Variants in ZZZ3 observed in about 807,000 individuals in gnomAD.
ZZZ3 encodes the protein ZZ-type zinc finger-containing protein 3.
ZZZ3 carries 22 observed loss-of-function variants against 95.2 expected under a neutral mutation model. The ratio of observed to expected loss-of-function variants is 0.23; its 90% CI spans 0.17 to 0.33. ZZZ3 has a LOEUF of 0.33. Ranked by LOEUF, ZZZ3 falls within the 10% of genes least tolerant of loss-of-function variation. The pLI is 1.00. For synonymous variants in ZZZ3, 335 were observed against 358.9 expected (o/e 0.93, Z 0.75); for missense variants, 885 against 1,066.5 (o/e 0.83, Z 2.37).
At chr1:77,639,692 AG>A in intron 3 of ZZZ3, 90 bp from the exon 4 acceptor site, 1 of 362,472 alleles carries the variant, frequency 2.8e-6, no homozygotes, top group Non-Finnish European at 4.9e-6. Flanking sequence ...GAAGAAATAC[AG>A]GTACAGAAAC....
intron 5 of ZZZ3, among the ~76,000 whole-genome samples, chr1:77,616,748 C>A (rs965517744): frequency 1.3e-5 from 2 of 151,964 alleles, no homozygotes; most frequent in African/African-American, 2.4e-5. Flanking sequence ...CACCTGTAGT[C>A]CCAGCCCAGG....
chr1:77,648,315 C>T (rs1252429523), intron 1 of ZZZ3, among the ~76,000 whole-genome samples: 1 of 145,374 alleles, frequency 6.9e-6, no homozygotes. Flanking sequence ...TGCCCCTGTA[C>T]TCCAGCCTGG....
At chr1:77,581,644 A>T in intron 8 of ZZZ3, 132 bp downstream of exon 8, 1 of 693,102 alleles carries the variant, frequency 1.4e-6, no homozygotes, top group Non-Finnish European at 2.3e-6. Flanking sequence ...AGTTTCTCTT[A>T]ATTTCAAAGT....
intron 5 of ZZZ3, among the ~76,000 whole-genome samples, chr1:77,628,182 T>G (rs1251954996): frequency 2.0e-5 from 3 of 152,174 alleles, no homozygotes; most frequent in Non-Finnish European, 4.4e-5. Context: ...ATAATCTCAT[T>G]CAGTGAGGCT....
At chr1:77,612,241 T>C (rs1478197949) in intron 5 of ZZZ3, among the ~76,000 whole-genome samples, 2 of 152,004 alleles carry the variant, frequency 1.3e-5, no homozygotes, top group Non-Finnish European at 2.9e-5. Context: ...CACTATATGA[T>C]ATAACCTCAC....
At chr1:77,661,767 A>C (rs1488391501) in intron 1 of ZZZ3, among the ~76,000 whole-genome samples, 1 of 152,106 alleles carries the variant, frequency 6.6e-6, no homozygotes, top group African/African-American at 2.4e-5. Context: ...CTCTTAAATC[A>C]CAAGACACCC....
chr1:77,635,029 C>T (rs1008541782), intron 4 of ZZZ3, among the ~76,000 whole-genome samples: 1 of 152,164 alleles, frequency 6.6e-6, no homozygotes, highest in African/African-American at 2.4e-5. Context: ...CTCCAAATGC[C>T]ATTCTGACTC....
chr1:77,629,074 T>C (rs1265221866), intron 5 of ZZZ3, among the ~76,000 whole-genome samples: 1 of 152,028 alleles, frequency 6.6e-6, no homozygotes, highest in African/African-American at 2.4e-5. Context: ...ACCAGACAGG[T>C]GTCATGATGC....
At chr1:77,574,255 G>A (rs1661711863) in intron 12 of ZZZ3, among the ~76,000 whole-genome samples, 1 of 151,080 alleles carries the variant, frequency 6.6e-6, no homozygotes, top group African/African-American at 2.4e-5. Context: ...ATTAATAGTA[G>A]TGTTGGTTAT....
intron 5 of ZZZ3, among the ~76,000 whole-genome samples, chr1:77,611,651 T>G (rs1235675580): frequency 1.3e-5 from 2 of 151,480 alleles, no homozygotes; most frequent in Non-Finnish European, 3.0e-5. Context: ...AAACAGAAAA[T>G]GAAGTAAAAC....
intron 5 of ZZZ3, among the ~76,000 whole-genome samples, chr1:77,613,890 G>A (rs191896106): frequency 6.6e-6 from 1 of 152,056 alleles, no homozygotes; most frequent in Admixed American, 6.6e-5. Flanking sequence ...AAATTTCAAA[G>A]GGCCCTTAGA....
At position 77,631,134 on chromosome 1, in the gene ZZZ3, A is replaced by G. The variant is rs151009326; in HGVS notation, c.1505+716T>C. Among the ~76,000 whole-genome samples the G allele has an allele frequency of 7.2e-4, 110 of 152,308 alleles. 1 individual carries two copies. Among genetic ancestry groups the G allele is most frequent in the African/African-American group, 2.5e-3 (104 of 41,584 alleles). On this transcript the variant is annotated intron_variant, in intron 5 of 14. Coordinates refer to ENST00000370801, the MANE Select transcript of ZZZ3 (RefSeq NM_015534.6). The stretch of plus-strand genomic sequence containing the variant: ...TTTATAGGAAATCTAGGCAAGAAAT[A>G]TTGTGAAAAATTTGGATACAGAATT...
chr1:77,597,468 G>A (rs1198394529), intron 5 of ZZZ3, among the ~76,000 whole-genome samples: 2 of 151,936 alleles, frequency 1.3e-5, no homozygotes, highest in Non-Finnish European at 2.9e-5. Context: ...GTATGAAAAG[G>A]GGAGGAAAAA....
intron 5 of ZZZ3, among the ~76,000 whole-genome samples, chr1:77,586,756 G>A (rs185028093): frequency 1.3e-5 from 2 of 152,266 alleles, no homozygotes; most frequent in East Asian, 3.9e-4. Flanking sequence ...GTAAATTCAA[G>A]TCTTCTATCC....
Position 77,581,005 on chromosome 1 carries a change from T to A in ZZZ3, c.1973A>T (p.Glu658Val). ...TTTTGAAATATTTATTACCTGTTCT[T>A]CAACAGTCCACAACTGGTTAAATGT... The part of the protein sequence containing the change: ...PETFNQLWTV[E>V]EQKKLEQLLI... The change falls in exon 9 of 15, where the codon GAA becomes GTA. Residue 658 changes from glutamate to valine, a missense_variant. By Grantham distance (121) the Glu-to-Val change is moderately radical. Transcript: ENST00000370801. 1 of 1,613,822 alleles carries A rather than the reference T, an allele frequency of 6.2e-7. No individual in the cohort carries two copies. The highest frequency in any genetic ancestry group is 8.5e-7 in the Non-Finnish European group (1 of 1,179,682).
intron 1 of ZZZ3, among the ~76,000 whole-genome samples, chr1:77,667,057 A>G (rs1671307777): frequency 1.3e-5 from 2 of 152,252 alleles, no homozygotes; most frequent in African/African-American, 4.8e-5. Flanking sequence ...TTACTAGGCT[A>G]TTAATCAAAG....
intron 11 of ZZZ3, among the ~76,000 whole-genome samples, chr1:77,577,090 T>C (rs1317241083): frequency 6.6e-6 from 1 of 152,218 alleles, no homozygotes; most frequent in Non-Finnish European, 1.5e-5. Flanking sequence ...CTATGCAGCC[T>C]GCCTGTCTTG....
chr1:77,563,529 G>GT lies in ZZZ3; in HGVS notation c.*2110dup, dbSNP rs1660587076. 1.3e-5 allele frequency: 2 copies of GT among 152,042 alleles called. No individual in the cohort carries two copies. The highest frequency in any genetic ancestry group is 2.9e-5 in the Non-Finnish European group (2 of 67,998). 9.4% of individuals were successfully genotyped at this position (152,042 alleles called of 1,614,324 possible). ...TGCCCTAGAAAAATGCATTCAAATG[G>GT]TTTGTCTATTCCATTTATATAACAA... On this transcript the variant is annotated 3_prime_UTR_variant, in exon 15 of 15. Transcript: ENST00000370801.
At chr1:77,640,795 ATATAATTACAAAATCT>A (rs1325082255) in intron 3 of ZZZ3, among the ~76,000 whole-genome samples, 1 of 152,154 alleles carries the variant, frequency 6.6e-6, no homozygotes, top group African/African-American at 2.4e-5. Context: ...TTAAAGACTG[ATATAATTACAAAATCT>A]TGTAATTACT....
Sources: gnomAD v4.1 joint callset for allele counts (sites outside exome capture counted in the v4.1 genomes callset) on GRCh38, gnomAD v4.1.1 for gene constraint, MANE v1.5 for transcripts, NCBI Gene and HGNC (gene_info 2026-07-23, HGNC 2026-07-21) for gene names.